RANBP17: variants seen among roughly 807,000 people sequenced by gnomAD.
RANBP17 encodes the protein RAN binding protein 17.
Under a neutral mutation model 141.2 loss-of-function variants are expected in RANBP17, and 158 were observed. That is an observed-to-expected ratio of 1.12 (90% confidence interval 0.98 to 1.28). The LOEUF is 1.28. Among genes scored for constraint, RANBP17 ranks in the 50% most tolerant of loss-of-function variants. RANBP17 has a pLI of 0.00. For missense variants in RANBP17, 1,438 were observed against 1,290.7 expected (o/e 1.11, Z -1.75); for synonymous variants, 430 against 450.0 (o/e 0.96, Z 0.56).
At chr5:171,167,840 A>G (rs532970175) in intron 14 of RANBP17, among the ~76,000 whole-genome samples, 2 of 152,304 alleles carry the variant, frequency 1.3e-5, no homozygotes, top group East Asian at 1.9e-4. Flanking sequence ...GACAATTGCT[A>G]TAATCAGTTA....
At chr5:171,096,125 C>T (rs1581625081) in intron 14 of RANBP17, among the ~76,000 whole-genome samples, 3 of 152,018 alleles carry the variant, frequency 2.0e-5, no homozygotes, top group Non-Finnish European at 4.4e-5. Flanking sequence ...AAGTGGCAGG[C>T]ACATTTGATG....
intron 14 of RANBP17, among the ~76,000 whole-genome samples, chr5:171,090,298 A>G (rs903591207): frequency 2.6e-5 from 4 of 152,216 alleles, no homozygotes; most frequent in African/African-American, 4.8e-5. Flanking sequence ...ATGTTTTAGC[A>G]AAGAGACTGC....
At chr5:171,089,553 C>G (rs1786039600) in intron 14 of RANBP17, among the ~76,000 whole-genome samples, 1 of 152,024 alleles carries the variant, frequency 6.6e-6, no homozygotes, top group Non-Finnish European at 1.5e-5. Flanking sequence ...CGCCCCTCCC[C>G]CGGCCTCGCT....
intron 14 of RANBP17, among the ~76,000 whole-genome samples, chr5:171,120,107 TTC>T (rs2127771805): frequency 6.6e-6 from 1 of 152,166 alleles, no homozygotes; most frequent in South Asian, 2.1e-4. Context: ...CCAAAGAATT[TTC>T]TGTTTATCAG....
intron 3 of RANBP17, among the ~76,000 whole-genome samples, chr5:170,883,268 C>T (rs1417323133): frequency 1.3e-5 from 2 of 152,176 alleles, no homozygotes; most frequent in Non-Finnish European, 2.9e-5. Flanking sequence ...CAATACACAT[C>T]TTTTAAATAG....
At chr5:171,103,043 C>T (rs2127746382) in intron 14 of RANBP17, among the ~76,000 whole-genome samples, 1 of 152,304 alleles carries the variant, frequency 6.6e-6, no homozygotes, top group East Asian at 1.9e-4. Context: ...TCGACCCCTG[C>T]TGGGAGGTGT....
At chr5:171,186,568 G>C (rs367936664) in intron 18 of RANBP17, among the ~76,000 whole-genome samples, 4 of 88,012 alleles carry the variant, frequency 4.5e-5, no homozygotes, top group Non-Finnish European at 8.1e-5. Context: ...ACGGAGTCTC[G>C]CTCTGTCGCC....
chr5:171,101,392 C>G (rs144067551), intron 14 of RANBP17, among the ~76,000 whole-genome samples: 76 of 152,292 alleles, frequency 5.0e-4, no homozygotes, highest in African/African-American at 1.7e-3. Flanking sequence ...GATTTAAAGT[C>G]TGTTTTATCA....
At chr5:171,089,218 G>C (rs1177146801) in intron 14 of RANBP17, among the ~76,000 whole-genome samples, 1 of 118,780 alleles carries the variant, frequency 8.4e-6, no homozygotes, top group East Asian at 3.1e-4. Flanking sequence ...ATACCCTGCA[G>C]TGTGAGGTGT....
At chr5:171,193,414 C>T (rs967877427) in intron 18 of RANBP17, among the ~76,000 whole-genome samples, 1 of 151,662 alleles carries the variant, frequency 6.6e-6, no homozygotes, top group African/African-American at 2.4e-5. Flanking sequence ...TGCCATGTGC[C>T]CCAGGTTGTA....
At chr5:170,924,833 A>C (rs1312448602) in intron 12 of RANBP17, 1 of 232,450 alleles carries the variant, frequency 4.3e-6, no homozygotes, top group African/African-American at 2.2e-5. Context: ...TATGAACATA[A>C]CTATCTTAAC....
intron 14 of RANBP17, 78 bp from the exon 15 acceptor site, chr5:171,170,050 TTA>T (rs1491242709): frequency 6.8e-6 from 5 of 737,042 alleles, no homozygotes; most frequent in African/African-American, 5.5e-5. Context: ...GCATTAAATC[TTA>T]TGTTTGTTCA....
intron 14 of RANBP17, among the ~76,000 whole-genome samples, chr5:171,104,280 G>A (rs1182938686): frequency 2.0e-5 from 3 of 151,986 alleles, no homozygotes; most frequent in Non-Finnish European, 4.4e-5. Flanking sequence ...CAGGTGATCC[G>A]CCCGCCTCAG....
intron 14 of RANBP17, among the ~76,000 whole-genome samples, chr5:171,145,577 TG>T (rs1252842631): frequency 6.6e-6 from 1 of 152,198 alleles, no homozygotes; most frequent in Non-Finnish European, 1.5e-5. Flanking sequence ...CTGAATGTTT[TG>T]ATACTAGCAA....
chr5:171,022,515 A>C lies in RANBP17; in HGVS notation c.1710+54138A>C, dbSNP rs191217689. ...GGAGTTACAGAGTTCCTGCAGGGGA[A>C]CCCCACCCAGTGAGGAAGGATGGGT... is the stretch of plus-strand genomic sequence containing the variant. On this transcript the variant is annotated intron_variant, in intron 14 of 27. Coordinates refer to ENST00000523189, the MANE Select transcript of RANBP17 (RefSeq NM_022897.5). Among the ~76,000 whole-genome samples, 344 of 152,252 alleles carry C rather than the reference A, an allele frequency of 2.3e-3. 2 individuals are homozygous for C. Among genetic ancestry groups the C allele is most frequent in the African/African-American group, 8.0e-3 (331 of 41,554 alleles).
intron 24 of RANBP17, among the ~76,000 whole-genome samples, chr5:171,262,870 C>T (rs928830170): frequency 1.3e-5 from 2 of 152,140 alleles, no homozygotes; most frequent in African/African-American, 2.4e-5. Flanking sequence ...CATTCAACCC[C>T]TCATCCCTCA....
chr5:171,027,207 A>T (rs900957685), intron 14 of RANBP17, among the ~76,000 whole-genome samples: 1 of 152,210 alleles, frequency 6.6e-6, no homozygotes, highest in Non-Finnish European at 1.5e-5. Context: ...AATTTATCAC[A>T]TAAAATCAGG....
rs186539605 is a variant in RANBP17, at chr5:171,075,967, A to T, written c.1711-94163A>T. Among the ~76,000 whole-genome samples the T allele has an allele frequency of 2.4e-4, 35 of 144,448 alleles. No individual in the cohort carries two copies. In the East Asian group the frequency reaches 3.7e-3, roughly 15 times the overall value. The allele number at this position is 144,448 out of a possible 152,430, so 94.8% of individuals were successfully genotyped here. A position where few individuals can be genotyped will look rare whatever the true frequency, so the allele number is the denominator to read the frequency against. On this transcript the variant is annotated intron_variant, in intron 14 of 27. Transcript: ENST00000523189. ...GACTTGTGAAAAAAAAGAAAAAATT[A>T]AAAAAACACACTTTAAATGGGGACT...
rs144622563 is a variant in RANBP17, at chr5:171,094,899, A to C, written c.1711-75231A>C. Reference sequence around the variant, plus strand: ...TGTTCCCCCAAAGTTTGTGTGTTTGAAACTTCATCCCAATGCAATAGTGTT... The same window carrying C: ...TGTTCCCCCAAAGTTTGTGTGTTTGCAACTTCATCCCAATGCAATAGTGTT... On this transcript the variant is annotated intron_variant, in intron 14 of 27. Coordinates refer to ENST00000523189, the MANE Select transcript of RANBP17 (RefSeq NM_022897.5). Among the ~76,000 whole-genome samples the C allele has an allele frequency of 1.6e-3, 246 of 152,292 alleles. 1 individual carries two copies. The highest frequency in any genetic ancestry group is 2.8e-3 in the Non-Finnish European group (190 of 68,020).
Sources: gnomAD v4.1 joint callset for allele counts (sites outside exome capture counted in the v4.1 genomes callset) on GRCh38, gnomAD v4.1.1 for gene constraint, MANE v1.5 for transcripts, NCBI Gene and HGNC (gene_info 2026-07-23, HGNC 2026-07-21) for gene names.